The following RPL27 variants were observed in gnomAD, a reference collection of about 807,000 sequenced individuals.
RPL27 encodes the protein large ribosomal subunit protein eL27.
For synonymous variants in RPL27, 77 were observed against 61.0 expected (o/e 1.26, Z -1.22); for missense variants, 131 against 174.3 (o/e 0.75, Z 1.40).
intron 1 of RPL27, 24 bp from the exon 2 acceptor site, chr17:42,998,725 G>T (rs779115164): frequency 1.3e-6 from 2 of 1,587,228 alleles, no homozygotes; most frequent in Admixed American, 3.3e-5. Flanking sequence ...TTTTTAAGTG[G>T]CCCTTTCTCC....
chr17:42,998,779 T>C lies in RPL27; in HGVS notation c.29T>C (p.Val10Ala). The change falls in exon 2 of 5, where the codon GTG becomes GCG. Residue 10 changes from valine (V) to alanine (A), a missense_variant. Val to Ala is a moderately conservative substitution (Grantham distance 64). Transcript: ENST00000253788. ...GGCAAGTTCATGAAACCTGGGAAGG[T>C]GGTGCTTGTCCTGGCTGGACGCTAC... is the stretch of plus-strand genomic sequence containing the variant. MGKFMKPGK[V>A]VLVLAGRYSG... 6.2e-7 allele frequency: 1 copy of C among 1,613,930 alleles called. No homozygotes were observed. The highest frequency in any genetic ancestry group is 8.5e-7 in the Non-Finnish European group (1 of 1,179,926).
chr17:42,998,986 A>C (rs890375093), intron 2 of RPL27, 155 bp downstream of exon 2: 2 of 606,540 alleles, frequency 3.3e-6, no homozygotes, highest in Non-Finnish European at 5.9e-6. Flanking sequence ...AGGAAGAAGC[A>C]CAGTAAAAGC....
chr17:43,002,255 C>T (rs994102035), intron 3 of RPL27, among the ~76,000 whole-genome samples: 10 of 151,834 alleles, frequency 6.6e-5, no homozygotes, highest in Admixed American at 5.9e-4. Context: ...CCTATAATCC[C>T]AGCATTTTGG....
chr17:43,000,183 C>A, intron 3 of RPL27, 81 bp downstream of exon 3: 1 of 1,071,148 alleles, frequency 9.3e-7, no homozygotes, highest in Non-Finnish European at 1.4e-6. Context: ...GCCATTCCAA[C>A]ACCAGGAAGG....
At chr17:43,000,723 C>T (rs1337028207) in intron 3 of RPL27, among the ~76,000 whole-genome samples, 1 of 148,460 alleles carries the variant, frequency 6.7e-6, no homozygotes, top group Admixed American at 6.7e-5. Flanking sequence ...GGATTACAGG[C>T]GTGAGCCACC....
intron 3 of RPL27, 122 bp from the exon 4 acceptor site, chr17:43,002,551 G>A (rs1342455009): frequency 4.4e-6 from 3 of 674,290 alleles, no homozygotes; most frequent in Non-Finnish European, 8.1e-6. Flanking sequence ...ATCGGGACAT[G>A]GCTTTTGATG....
chr17:43,001,926 C>T (rs573547326), intron 3 of RPL27, among the ~76,000 whole-genome samples: 1 of 150,802 alleles, frequency 6.6e-6, no homozygotes, highest in East Asian at 2.0e-4. Context: ...CCCGTCTCTA[C>T]TGAAAGTACA....
chr17:42,998,492 A>C, intron 1 of RPL27, 21 bp downstream of exon 1: 2 of 373,574 alleles, frequency 5.4e-6, no homozygotes, highest in Non-Finnish European at 9.8e-6. Context: ...GCTTGGGTTG[A>C]ATCTTTCAAT....
intron 3 of RPL27, 91 bp downstream of exon 3, chr17:43,000,193 G>A (rs1254533302): frequency 1.0e-6 from 1 of 985,578 alleles, no homozygotes; most frequent in African/African-American, 1.6e-5. Flanking sequence ...CACCAGGAAG[G>A]GATATCATTT....
intron 2 of RPL27, chr17:42,999,622 C>A: frequency 3.5e-6 from 1 of 283,536 alleles, no homozygotes; most frequent in Non-Finnish European, 6.8e-6. Context: ...ACTTCACTAG[C>A]AGTGGAGCAA....
In RPL27 at chr17:43,002,863, C is replaced by A; in HGVS notation, c.363-9C>A. The stretch of plus-strand genomic sequence containing the variant: ...TTCCTCATTGGTGTCCTCTTTTTTT[C>A]CCTTCTAGATACAAGACAGGCAAGA... On this transcript the variant is annotated splice_polypyrimidine_tract_variant and intron_variant, in intron 4 of 4. Coordinates refer to ENST00000253788, the MANE Select transcript of RPL27 (RefSeq NM_000988.5). 1 of 1,613,424 alleles carries A rather than the reference C, an allele frequency of 6.2e-7. No individual in the cohort carries two copies. The highest frequency in any genetic ancestry group is 8.5e-7 in the Non-Finnish European group (1 of 1,179,464).
At chr17:42,999,109 C>A (rs1336987944) in intron 2 of RPL27, 2 of 413,374 alleles carry the variant, frequency 4.8e-6, no homozygotes, top group East Asian at 1.1e-4. Context: ...CACTGCCTTT[C>A]AGGTATTGTC....
rs758763079 is a variant in RPL27, at chr17:42,998,838, G to T, written c.81+7G>T. ...CAAAGCTGTCATCGTGAAGGTATCA[G>T]CCTCGCGGGACTCTGCGTCCTTGCA... On this transcript the variant is annotated splice_region_variant and intron_variant, in intron 2 of 4. Coordinates refer to ENST00000253788, the MANE Select transcript of RPL27 (RefSeq NM_000988.5). The T allele has an allele frequency of 6.2e-7, 1 of 1,612,828 alleles. No individual in the cohort carries two copies. Among genetic ancestry groups the T allele is most frequent in the Non-Finnish European group, 8.5e-7 (1 of 1,178,948 alleles).
At chr17:43,000,604 A>ATT (rs545580676) in intron 3 of RPL27, among the ~76,000 whole-genome samples, 151 of 142,056 alleles carry the variant, frequency 1.1e-3, no homozygotes, top group Non-Finnish European at 1.9e-3. Context: ...CACCTGGCTA[A>ATT]TTTTTTTTTT....
At chr17:42,999,458 T>G (rs990719987) in intron 2 of RPL27, 3 of 156,176 alleles carry the variant, frequency 1.9e-5, no homozygotes, top group African/African-American at 4.8e-5. Context: ...TATCCATGAT[T>G]TTGTAGCTTC....
At chr17:42,999,040 A>G in intron 2 of RPL27, 1 of 550,572 alleles carries the variant, frequency 1.8e-6, no homozygotes, top group South Asian at 2.1e-5. Flanking sequence ...AGCCTTCTCC[A>G]CCAGAGGCTT....
chr17:42,998,967 T>G, intron 2 of RPL27, 136 bp downstream of exon 2: 1 of 642,590 alleles, frequency 1.6e-6, no homozygotes, highest in Non-Finnish European at 2.7e-6. Context: ...GTGGGAGAGT[T>G]TTTGAGAGAG....
At position 43,000,576 on chromosome 17, in the gene RPL27, T is replaced by G. The variant is rs373543285; in HGVS notation, c.251+474T>G. On this transcript the variant is annotated intron_variant, in intron 3 of 4. Transcript: ENST00000253788. ...CCTCAGCCTCCCGAGTAGCTGGGAG[T>G]ACAGGCACCTGCCACCACACCTGGC... Among the ~76,000 whole-genome samples the G allele has an allele frequency of 9.4e-5, 14 of 149,212 alleles. No individual in the cohort carries two copies. The South Asian group carries it at 2.1e-3, about 23-fold the overall frequency.
Position 42,998,455 on chromosome 17 carries a change from C to A in RPL27, c.-19C>A, listed in dbSNP as rs950748325. 1 of 291,694 alleles carries A rather than the reference C, an allele frequency of 3.4e-6. No individual in the cohort carries two copies. The highest frequency in any genetic ancestry group is 3.5e-5 in the South Asian group (1 of 28,200). 18.1% of individuals were successfully genotyped at this position (291,694 alleles called of 1,614,324 possible). On this transcript the variant is annotated 5_prime_UTR_variant, in exon 1 of 5. Transcript: ENST00000253788. ...CCTTCTTTCCTTTTTGCTGGTAGGG[C>A]CGGGTGGTTGCTGCCGGTAAGTAGA...
Sources: allele counts gnomAD v4.1 joint callset (sites outside exome capture counted in the v4.1 genomes callset), GRCh38; gene constraint gnomAD v4.1.1; transcripts MANE v1.5; gene names NCBI Gene and HGNC (gene_info 2026-07-23, HGNC 2026-07-21).